Variants in UQCRH observed in about 807,000 individuals in gnomAD.
UQCRH encodes ubiquinol-cytochrome c reductase hinge protein, also known as cytochrome b-c1 complex subunit 6, mitochondrial.
UQCRH carries 14 observed loss-of-function variants against 16.3 expected under a neutral mutation model. The ratio of observed to expected loss-of-function variants is 0.86; its 90% CI spans 0.57 to 1.34. The LOEUF is 1.34. Ranked by LOEUF, UQCRH falls within the 40% of genes most tolerant of loss-of-function variation. The pLI, the probability that UQCRH is intolerant of heterozygous loss-of-function variation, is 0.00. For missense variants in UQCRH, 89 were observed against 111.9 expected, an observed-to-expected ratio of 0.80 and a Z score of 0.92; for synonymous variants, 41 against 41.9, an observed-to-expected ratio of 0.98 and a Z score of 0.08.
chr1:46,315,014 G>T (rs970677797), intron 3 of UQCRH, among the ~76,000 whole-genome samples: 2 of 152,160 alleles, frequency 1.3e-5, no homozygotes, highest in Non-Finnish European at 2.9e-5. Context: ...AGTTAAAAAT[G>T]ATTAAAGTGG....
intron 3 of UQCRH, among the ~76,000 whole-genome samples, chr1:46,313,930 A>G (rs1364665217): frequency 6.6e-6 from 1 of 152,210 alleles, no homozygotes; most frequent in African/African-American, 2.4e-5. Flanking sequence ...GTATATACCC[A>G]GAAGTATTGA....
intron 1 of UQCRH, 112 bp downstream of exon 1, chr1:46,303,932 A>C: frequency 7.1e-7 from 1 of 1,415,862 alleles, no homozygotes; most frequent in Non-Finnish European, 9.8e-7. Context: ...TAGGGTTTGC[A>C]TAGTCGGGAG....
intron 3 of UQCRH, among the ~76,000 whole-genome samples, chr1:46,314,195 C>A (rs986115280): frequency 1.3e-5 from 2 of 151,728 alleles, no homozygotes; most frequent in Admixed American, 6.6e-5. Flanking sequence ...CACGGTAAAA[C>A]CCTGTCTCAA....
chr1:46,309,376 T>G (rs1271781549), intron 2 of UQCRH: 3 of 474,182 alleles, frequency 6.3e-6, no homozygotes, highest in Non-Finnish European at 1.1e-5. Flanking sequence ...TGGCACTCAA[T>G]CATCTGCTAT....
chr1:46,309,039 A>G lies in UQCRH; in HGVS notation c.55-62A>G. Reference sequence around the variant, plus strand: ...GTCTATCGTCAGTAATTACATCAGTATGATCAGGAATAAATATGTCATAAA... The same window carrying G: ...GTCTATCGTCAGTAATTACATCAGTGTGATCAGGAATAAATATGTCATAAA... On this transcript the variant is annotated intron_variant, in intron 1 of 3. Transcript: ENST00000311672. 3.2e-6 allele frequency: 5 copies of G among 1,545,282 alleles called. No homozygotes were observed. The Admixed American group carries it at 6.7e-5, about 21-fold the overall frequency.
At chr1:46,305,904 A>G (rs1661364936) in intron 1 of UQCRH, among the ~76,000 whole-genome samples, 1 of 151,700 alleles carries the variant, frequency 6.6e-6, no homozygotes, top group African/African-American at 2.4e-5. Context: ...CCCGGGTTCA[A>G]GCGATTCTCT....
At chr1:46,304,688 AT>A (rs1467608543) in intron 1 of UQCRH, among the ~76,000 whole-genome samples, 2 of 151,902 alleles carry the variant, frequency 1.3e-5, no homozygotes, top group Non-Finnish European at 2.9e-5. Flanking sequence ...CCCGGCCCTA[AT>A]TCATTTCATC....
In UQCRH at chr1:46,309,145, T is replaced by G; in HGVS notation, c.81+18T>G. The G allele has an allele frequency of 1.2e-6, 2 of 1,607,474 alleles. No individual in the cohort carries two copies. Among genetic ancestry groups the G allele is most frequent in the Non-Finnish European group, 1.7e-6 (2 of 1,178,500 alleles). On this transcript the variant is annotated intron_variant, in intron 2 of 3. Coordinates refer to ENST00000311672, the MANE Select transcript of UQCRH (RefSeq NM_006004.4). The stretch of plus-strand genomic sequence containing the variant: ...AATTAGTGGTAAGAACTGTCTCAGG[T>G]TTGGAAACATCTCAGTAAAAGCAGG...
chr1:46,311,058 G>C (rs1416017254), intron 3 of UQCRH, among the ~76,000 whole-genome samples: 1 of 149,936 alleles, frequency 6.7e-6, no homozygotes, highest in Non-Finnish European at 1.5e-5. Flanking sequence ...CTGGGCGACA[G>C]AGCGAGACTC....
intron 1 of UQCRH, among the ~76,000 whole-genome samples, chr1:46,304,657 T>TTACAG (rs1399036633): frequency 6.6e-6 from 1 of 152,138 alleles, no homozygotes; most frequent in Non-Finnish European, 1.5e-5. Flanking sequence ...AGTCCTGGGA[T>TTACAG]TACAGGCGTG....
intron 3 of UQCRH, among the ~76,000 whole-genome samples, chr1:46,312,643 C>A (rs779702295): frequency 1.1e-4 from 17 of 151,948 alleles, no homozygotes; most frequent in Admixed American, 2.6e-4. Flanking sequence ...GCAGGAGGAC[C>A]CCTTGACCCC....
intron 3 of UQCRH, among the ~76,000 whole-genome samples, chr1:46,313,123 T>C (rs1661510456): frequency 6.6e-6 from 1 of 152,144 alleles, no homozygotes; most frequent in South Asian, 2.1e-4. Context: ...AAAACATATG[T>C]TCACATAAAA....
chr1:46,309,007 T>A, intron 1 of UQCRH, 94 bp from the exon 2 acceptor site: 9 of 1,359,158 alleles, frequency 6.6e-6, no homozygotes, highest in Non-Finnish European at 9.4e-6. Flanking sequence ...TCGTTAATAG[T>A]GTCAGTGTCT....
At chr1:46,304,879 C>G (rs947516582) in intron 1 of UQCRH, among the ~76,000 whole-genome samples, 1 of 152,224 alleles carries the variant, frequency 6.6e-6, no homozygotes, top group Non-Finnish European at 1.5e-5. Context: ...TTTTGCGACA[C>G]AGCTACTAGT....
chr1:46,308,877 G>C (rs958167223), intron 1 of UQCRH, among the ~76,000 whole-genome samples: 1 of 152,160 alleles, frequency 6.6e-6, no homozygotes, highest in Non-Finnish European at 1.5e-5. Flanking sequence ...GCATATGAAA[G>C]GTATGCTCGC....
rs548560829 is a variant in UQCRH, at chr1:46,312,845, G to A, written c.243+2529G>A. On this transcript the variant is annotated intron_variant, in intron 3 of 3. Coordinates refer to ENST00000311672, the MANE Select transcript of UQCRH (RefSeq NM_006004.4). ...AAAACTAATTGGATGGCCAGTAAAC[G>A]TATGAAAAGATGTTCAACATCATTA... 1.6e-4 allele frequency among the ~76,000 whole-genome samples: 24 copies of A among 152,162 alleles called. 1 individual carries two copies. In the South Asian group the frequency reaches 3.9e-3, roughly 25 times the overall value.
At chr1:46,304,779 A>G (rs1190321771) in intron 1 of UQCRH, among the ~76,000 whole-genome samples, 3 of 152,184 alleles carry the variant, frequency 2.0e-5, no homozygotes, top group Admixed American at 6.5e-5. Context: ...TAGAGGTTAA[A>G]TATCTTTTCT....
chr1:46,309,964 A>G (rs1416699524), intron 2 of UQCRH, 191 bp from the exon 3 acceptor site: 1 of 1,462,144 alleles, frequency 6.8e-7, no homozygotes, highest in Non-Finnish European at 9.0e-7. Flanking sequence ...TTTCCCTACT[A>G]CTTAGCATCA....
At chr1:46,307,285 TCTGG>T (rs1213289488) in intron 1 of UQCRH, among the ~76,000 whole-genome samples, 1 of 152,176 alleles carries the variant, frequency 6.6e-6, no homozygotes, top group African/African-American at 2.4e-5. Flanking sequence ...CCTCAGGTGA[TCTGG>T]CCACCTCAGC....
Sources: gnomAD v4.1 joint callset for allele counts (sites outside exome capture counted in the v4.1 genomes callset) on GRCh38, gnomAD v4.1.1 for gene constraint, MANE v1.5 for transcripts, NCBI Gene and HGNC (gene_info 2026-07-23, HGNC 2026-07-21) for gene names.